The following SEC24B variants were observed in gnomAD, a reference collection of about 807,000 sequenced individuals.
SEC24B encodes the protein protein transport protein Sec24B.
A neutral mutation model predicts 142.8 loss-of-function variants in SEC24B; 45 were observed. The observed-to-expected ratio is 0.32, with a 90% confidence interval of 0.25 to 0.40. The LOEUF (loss-of-function observed/expected upper bound fraction) is 0.40. Among genes scored for constraint, SEC24B ranks in the 10% least tolerant of loss-of-function variants. The pLI is 1.00. For synonymous variants in SEC24B, 574 were observed against 568.2 expected (o/e 1.01, Z -0.15); for missense variants, 1,409 against 1,526.8 (o/e 0.92, Z 1.29).
In SEC24B at chr4:109,473,017, A is replaced by T; in HGVS notation, c.891A>T (p.Leu297Phe). ...NNPTITVADS[L>F]SCPVMQNVQP... ...TCTTCTCTTCAGTTGCAGATTCTTTATCCTGTCCTGTTATGCAAAATGTTC... is the reference window on the plus strand; with the variant it reads ...TCTTCTCTTCAGTTGCAGATTCTTTTTCCTGTCCTGTTATGCAAAATGTTC... The change falls in exon 3 of 24, where the codon TTA (leucine) becomes TTT (phenylalanine). Residue 297 changes from leucine (L) to phenylalanine (F), a missense_variant. Leu to Phe is a conservative substitution (Grantham distance 22). This residue lies in a region of SEC24B where 709 missense variants were observed against 673.5 expected (regional missense o/e 1.05). Transcript: ENST00000265175. 6.4e-7 allele frequency: 1 copy of T among 1,560,354 alleles called. No homozygotes were observed.
chr4:109,484,158 G>A (rs571383865), intron 4 of SEC24B, among the ~76,000 whole-genome samples: 2 of 152,164 alleles, frequency 1.3e-5, no homozygotes, highest in Non-Finnish European at 2.9e-5. Flanking sequence ...GAATTTAGTT[G>A]TCATGTTAGA....
intron 1 of SEC24B, among the ~76,000 whole-genome samples, chr4:109,459,570 A>G (rs995723261): frequency 6.6e-6 from 1 of 152,204 alleles, no homozygotes; most frequent in Non-Finnish European, 1.5e-5. Flanking sequence ...AAGCATCCAC[A>G]TATGATTAGA....
chr4:109,489,000 T>G (rs1561126198), intron 4 of SEC24B, among the ~76,000 whole-genome samples: 1 of 152,182 alleles, frequency 6.6e-6, no homozygotes, highest in Admixed American at 6.5e-5. Context: ...ATTCTGGATA[T>G]TAACCCCTTA....
intron 23 of SEC24B, among the ~76,000 whole-genome samples, 198 bp downstream of exon 23, chr4:109,538,794 T>C (rs1403183706): frequency 2.0e-5 from 3 of 152,092 alleles, no homozygotes; most frequent in Non-Finnish European, 4.4e-5. Flanking sequence ...TTTCTTTATT[T>C]AATTTGAGAT....
At chr4:109,498,239 G>A (rs972748118) in intron 6 of SEC24B, among the ~76,000 whole-genome samples, 1 of 152,124 alleles carries the variant, frequency 6.6e-6, no homozygotes, top group African/African-American at 2.4e-5. Flanking sequence ...CTGTTTTAGG[G>A]TCAGTGAACA....
At chr4:109,481,285 A>G (rs1380385417) in intron 3 of SEC24B, among the ~76,000 whole-genome samples, 7 of 152,330 alleles carry the variant, frequency 4.6e-5, no homozygotes, top group East Asian at 1.9e-4. Context: ...AAATCAGTTC[A>G]CTATAAATGA....
At chr4:109,442,097 A>C (rs1443770866) in intron 1 of SEC24B, among the ~76,000 whole-genome samples, 1 of 152,192 alleles carries the variant, frequency 6.6e-6, no homozygotes, top group Non-Finnish European at 1.5e-5. Context: ...GCAAGCATGC[A>C]CATTTTTTAT....
intron 6 of SEC24B, among the ~76,000 whole-genome samples, chr4:109,498,714 A>G (rs901255765): frequency 6.6e-6 from 1 of 152,172 alleles, no homozygotes; most frequent in African/African-American, 2.4e-5. Flanking sequence ...GCTTAGCTTT[A>G]AACAGTCTTA....
chr4:109,438,304 C>CTGTT (rs1286077368), intron 1 of SEC24B, among the ~76,000 whole-genome samples: 1 of 152,020 alleles, frequency 6.6e-6, no homozygotes, highest in Non-Finnish European at 1.5e-5. Context: ...AACTTTTTGT[C>CTGTT]TGTTTGTTTA....
chr4:109,509,678 GAAAAAAAAAAA>G (rs1020221678), intron 7 of SEC24B, among the ~76,000 whole-genome samples: 30 of 46,404 alleles, frequency 6.5e-4, no homozygotes, highest in Non-Finnish European at 1.6e-3. Flanking sequence ...CTCCATCTCA[GAAAAAAAAAAA>G]AAAAAAAAAA....
intron 2 of SEC24B, among the ~76,000 whole-genome samples, chr4:109,472,019 ACAGT>A (rs926599528): frequency 6.6e-6 from 1 of 152,130 alleles, no homozygotes; most frequent in African/African-American, 2.4e-5. Context: ...AAATGATGAA[ACAGT>A]CAGCATATTT....
intron 16 of SEC24B, 55 bp downstream of exon 16, chr4:109,525,559 AG>A: frequency 7.9e-7 from 1 of 1,270,084 alleles, no homozygotes; most frequent in East Asian, 2.6e-5. Context: ...AAAGTCAGTG[AG>A]CATTCCATGT....
intron 4 of SEC24B, among the ~76,000 whole-genome samples, chr4:109,483,086 A>G (rs1432109414): frequency 7.3e-6 from 1 of 137,010 alleles, no homozygotes; most frequent in African/African-American, 3.0e-5. Flanking sequence ...ATGTATATAT[A>G]TATATTTTTT....
chr4:109,503,062 C>CTT lies in SEC24B; in HGVS notation c.1489-3252_1489-3251dup, dbSNP rs200320332. Among the ~76,000 whole-genome samples the CTT allele has an allele frequency of 5.5e-3, 760 of 138,392 alleles. 32 individuals are homozygous for CTT. The South Asian group carries it at 0.078, about 14-fold the overall frequency. 90.8% of individuals were successfully genotyped at this position (138,392 alleles called of 152,430 possible). On this transcript the variant is annotated intron_variant, in intron 6 of 23. Coordinates refer to ENST00000265175, the MANE Select transcript of SEC24B (RefSeq NM_006323.5). ...TAGTTATTTTGTAATTTCTTTCTTT[C>CTT]TTTTTTTTTTTTTTTGAGACGGAGT...
At chr4:109,476,903 C>T (rs1395606161) in intron 3 of SEC24B, among the ~76,000 whole-genome samples, 8 of 151,730 alleles carry the variant, frequency 5.3e-5, no homozygotes, top group Non-Finnish European at 1.0e-4. Flanking sequence ...TTTGGGAGGC[C>T]GAGGCGGGCG....
intron 6 of SEC24B, among the ~76,000 whole-genome samples, chr4:109,503,062 C>CT (rs200320332): frequency 0.12 from 16,059 of 138,332 alleles, 1,038 homozygotes; most frequent in African/African-American, 0.16. Context: ...TTCTTTCTTT[C>CT]TTTTTTTTTT....
chr4:109,533,532 C>T, intron 21 of SEC24B, 61 bp from the exon 22 acceptor site: 1 of 1,011,432 alleles, frequency 9.9e-7, no homozygotes, highest in Non-Finnish European at 1.6e-6. Flanking sequence ...ATTTTGAGAA[C>T]ATTAATGAAA....
chr4:109,456,942 A>C (rs747332269), intron 1 of SEC24B, among the ~76,000 whole-genome samples: 5 of 152,214 alleles, frequency 3.3e-5, no homozygotes, highest in Non-Finnish European at 5.9e-5. Flanking sequence ...GTGTGAGTGC[A>C]TGGTGGTGAA....
chr4:109,516,511 A>AT lies in SEC24B; in HGVS notation c.2014-12dup. The stretch of plus-strand genomic sequence containing the variant: ...TTGTACCTACCAAATAACTTACTTT[A>AT]TTTTTATTCCTTTCAGCTGCGTCCT... On this transcript the variant is annotated splice_polypyrimidine_tract_variant and intron_variant, in intron 10 of 23. Coordinates refer to ENST00000265175, the MANE Select transcript of SEC24B (RefSeq NM_006323.5). The AT allele has an allele frequency of 6.7e-7, 1 of 1,503,410 alleles. No individual in the cohort carries two copies. Among genetic ancestry groups the AT allele is most frequent in the Non-Finnish European group, 9.1e-7 (1 of 1,093,454 alleles). 93.1% of individuals were successfully genotyped at this position (1,503,410 alleles called of 1,614,324 possible).
Sources: gnomAD v4.1 joint callset for allele counts (sites outside exome capture counted in the v4.1 genomes callset) on GRCh38, gnomAD v4.1.1 for gene constraint, gnomAD v4.1.1 regional missense constraint, MANE v1.5 for transcripts, NCBI Gene and HGNC (gene_info 2026-07-23, HGNC 2026-07-21) for gene names.